EPB41L4A: variants seen among roughly 807,000 people sequenced by gnomAD.
EPB41L4A encodes the protein band 4.1-like protein 4A.
In EPB41L4A, 100 loss-of-function variants were observed where a neutral mutation model predicts 108.6. The observed-to-expected ratio is 0.92, with a 90% CI of 0.78 to 1.09. The LOEUF is 1.09. Among genes scored for constraint, EPB41L4A ranks in the 50% least tolerant of loss-of-function variants. The pLI, the probability that EPB41L4A is intolerant of heterozygous loss-of-function variation, is 0.00. For missense variants in EPB41L4A, 1,030 were observed against 842.7 expected (o/e 1.22, Z -2.75); for synonymous variants, 319 against 289.0 (o/e 1.10, Z -1.05).
At chr5:112,380,792 T>TACACACACACACAC (rs34831455) in intron 1 of EPB41L4A, among the ~76,000 whole-genome samples, 7 of 141,114 alleles carry the variant, frequency 5.0e-5, no homozygotes, top group African/African-American at 1.9e-4. Context: ...ATCACACACA[T>TACACACACACACAC]ACACACACAC....
intron 1 of EPB41L4A, among the ~76,000 whole-genome samples, chr5:112,401,644 T>C (rs1393893813): frequency 1.3e-5 from 2 of 152,206 alleles, no homozygotes; most frequent in African/African-American, 2.4e-5. Flanking sequence ...CAAGTAATTG[T>C]ATCTTTATTG....
intron 6 of EPB41L4A, among the ~76,000 whole-genome samples, chr5:112,263,019 G>A (rs189702954): frequency 2.2e-4 from 33 of 152,250 alleles, no homozygotes; most frequent in African/African-American, 7.5e-4. Flanking sequence ...CCACCCAACT[G>A]GGATCATATC....
At chr5:112,267,712 T>C (rs968414459) in intron 4 of EPB41L4A, among the ~76,000 whole-genome samples, 1 of 152,114 alleles carries the variant, frequency 6.6e-6, no homozygotes, top group Non-Finnish European at 1.5e-5. Flanking sequence ...ATACTTACTT[T>C]CCTTCCAATC....
exon 14 of EPB41L4A, chr5:112,142,518 TG>T (rs34459733): frequency 6.6e-6 from 1 of 152,232 alleles, no homozygotes; most frequent in South Asian, 2.1e-4. Context: ...AATATACTCA[TG>T]GAAAGTTAAT....
At chr5:112,179,688 T>A (rs1245665061) in intron 18 of EPB41L4A, among the ~76,000 whole-genome samples, 2 of 152,162 alleles carry the variant, frequency 1.3e-5, no homozygotes, top group African/African-American at 2.4e-5. Flanking sequence ...TCCTAAATTG[T>A]GCAGCTAGCA....
chr5:112,265,330 C>T (rs1383310446), intron 5 of EPB41L4A, among the ~76,000 whole-genome samples: 1 of 152,146 alleles, frequency 6.6e-6, no homozygotes, highest in Non-Finnish European at 1.5e-5. Context: ...CAAGTACAAA[C>T]ATTAGAAATG....
exon 14 of EPB41L4A, chr5:112,143,823 C>G (rs1759152224): frequency 2.2e-6 from 1 of 452,564 alleles, no homozygotes; most frequent in Non-Finnish European, 4.5e-6. Flanking sequence ...GTGGGGCTCT[C>G]TGTCCACATC....
At chr5:112,321,091 T>C (rs185860005) in intron 1 of EPB41L4A, among the ~76,000 whole-genome samples, 1 of 152,158 alleles carries the variant, frequency 6.6e-6, no homozygotes, top group Non-Finnish European at 1.5e-5. Context: ...AGGAAATTCA[T>C]AATTATGAGC....
intron 17 of EPB41L4A, among the ~76,000 whole-genome samples, chr5:112,193,720 G>A (rs1325220439): frequency 6.6e-6 from 1 of 152,262 alleles, no homozygotes; most frequent in Non-Finnish European, 1.5e-5. Flanking sequence ...TTTTGTACTA[G>A]GTACTTATTT....
intron 20 of EPB41L4A, among the ~76,000 whole-genome samples, chr5:112,169,550 TA>T (rs763455129): frequency 1.5e-4 from 22 of 150,820 alleles, no homozygotes; most frequent in Admixed American, 9.9e-4. Context: ...GTTCTCTCCA[TA>T]AAAAAAAAGT....
At chr5:112,220,486 C>T (rs1003115157) in intron 12 of EPB41L4A, among the ~76,000 whole-genome samples, 5 of 152,070 alleles carry the variant, frequency 3.3e-5, no homozygotes, top group South Asian at 2.1e-4. Context: ...GGAAGAAGGT[C>T]CATTGCAAAA....
At chr5:112,284,868 G>T (rs1173682588) in intron 2 of EPB41L4A, among the ~76,000 whole-genome samples, 2 of 152,134 alleles carry the variant, frequency 1.3e-5, no homozygotes, top group Non-Finnish European at 2.9e-5. Context: ...CTGGCTAAAT[G>T]CCCTTGGCTG....
intron 1 of EPB41L4A, among the ~76,000 whole-genome samples, chr5:112,328,032 G>A (rs13355094): frequency 0.46 from 70,222 of 151,972 alleles, 17,787 homozygotes; most frequent in South Asian, 0.6. Flanking sequence ...GGAGAAGGCC[G>A]GACACGGTGG....
At chr5:112,262,604 G>A (rs770647418) in intron 6 of EPB41L4A, 23 bp from the exon 7 acceptor site, 86 of 1,603,322 alleles carry the variant, frequency 5.4e-5, no homozygotes, top group Non-Finnish European at 7.3e-5. Context: ...CAAAAACAAA[G>A]AGCCTTATTT....
intron 1 of EPB41L4A, among the ~76,000 whole-genome samples, chr5:112,347,785 C>G (rs1237006163): frequency 6.6e-6 from 1 of 152,156 alleles, no homozygotes; most frequent in African/African-American, 2.4e-5. Context: ...AAAGGGGCAT[C>G]CCCTGTGTCT....
intron 1 of EPB41L4A, among the ~76,000 whole-genome samples, chr5:112,334,298 A>G (rs1380295390): frequency 6.6e-6 from 1 of 152,204 alleles, no homozygotes; most frequent in Non-Finnish European, 1.5e-5. Flanking sequence ...ATATTTTGAA[A>G]TGGCCCTGCA....
chr5:112,193,935 C>A (rs995570102), intron 17 of EPB41L4A, among the ~76,000 whole-genome samples: 1 of 152,182 alleles, frequency 6.6e-6, no homozygotes, highest in Non-Finnish European at 1.5e-5. Context: ...CCTCTGACTC[C>A]CAAGGTGCTC....
At chr5:112,182,771 C>A (rs1761221148) in intron 18 of EPB41L4A, among the ~76,000 whole-genome samples, 1 of 150,612 alleles carries the variant, frequency 6.6e-6, no homozygotes, top group South Asian at 2.1e-4. Context: ...AGGTCTGATT[C>A]TTTCTTATCT....
At chr5:112,218,668 T>C (rs1464366316) in intron 12 of EPB41L4A, among the ~76,000 whole-genome samples, 1 of 152,216 alleles carries the variant, frequency 6.6e-6, no homozygotes, top group African/African-American at 2.4e-5. Flanking sequence ...ATAAAGTAAA[T>C]GCAAATATAA....
Sources: gnomAD v4.1 joint callset for allele counts (sites outside exome capture counted in the v4.1 genomes callset) on GRCh38, gnomAD v4.1.1 for gene constraint, MANE v1.5 for transcripts, NCBI Gene and HGNC (gene_info 2026-07-23, HGNC 2026-07-21) for gene names.